SEMA3D: variants seen among roughly 807,000 people sequenced by gnomAD.
SEMA3D encodes the protein semaphorin 3D.
A neutral mutation model predicts 100.1 loss-of-function variants in SEMA3D; 84 were observed. That is an observed-to-expected ratio of 0.84 (90% CI 0.70 to 1.01). The LOEUF (loss-of-function observed/expected upper bound fraction) is 1.01, where lower values mean the gene tolerates loss of function less well. Ranked by LOEUF, SEMA3D falls within the 50% of genes least tolerant of loss-of-function variation. SEMA3D has a pLI of 0.00. For synonymous variants in SEMA3D, 312 were observed against 320.7 expected, an observed-to-expected ratio of 0.97 and a Z score of 0.29; for missense variants, 875 against 934.1, an observed-to-expected ratio of 0.94 and a Z score of 0.82.
rs767613089 is a variant in SEMA3D, at chr7:85,065,462, T to C, written c.680A>G (p.Tyr227Cys). 6 of 1,613,262 alleles carry C rather than the reference T, an allele frequency of 3.7e-6. No individual in the cohort carries two copies. In the African/African-American group the frequency reaches 5.3e-5, roughly 14 times the overall value. ...GTGCTCTGAAATGTCAGTTCTGATG[T>C]AGTGGTGGTCATGAGTAGGCCCAAG... is the stretch of plus-strand genomic sequence containing the variant. ...RSLGPTHDHH[Y>C]IRTDISEHYW... The change falls in exon 8 of 19, where the codon TAC becomes TGC. Residue 227 changes from tyrosine to cysteine, a missense_variant. By Grantham distance (194) the Tyr-to-Cys change is radical. Coordinates refer to ENST00000284136, the MANE Select transcript of SEMA3D (RefSeq NM_001384900.1).
At chr7:85,160,467 AT>A (rs753630698) in intron 1 of SEMA3D, among the ~76,000 whole-genome samples, 5 of 152,178 alleles carry the variant, frequency 3.3e-5, no homozygotes, top group Non-Finnish European at 7.3e-5. Context: ...TGAAACTGAG[AT>A]TTCCACGATG....
rs1376748850 is a variant in SEMA3D at position 84,999,364 on chromosome 7, T to C, written c.*76A>G. 1 of 1,116,574 alleles carries C rather than the reference T, an allele frequency of 9.0e-7. No homozygotes were observed. Among genetic ancestry groups the C allele is most frequent in the Admixed American group, 2.2e-5 (1 of 45,266 alleles). The allele number at this position is 1,116,574 out of a possible 1,614,324, so 69.2% of individuals were successfully genotyped here. On this transcript the variant is annotated 3_prime_UTR_variant, in exon 19 of 19. Coordinates refer to ENST00000284136, the MANE Select transcript of SEMA3D (RefSeq NM_001384900.1). ...AACTCCATGGGAAGCATTTATGAAT[T>C]ACTATAAGGGATATACAAAACAGAA...
At chr7:85,168,534 C>G (rs1416131745) in intron 1 of SEMA3D, among the ~76,000 whole-genome samples, 1 of 151,088 alleles carries the variant, frequency 6.6e-6, no homozygotes, top group East Asian at 1.9e-4. Context: ...GTAATCTCAG[C>G]TCTGTGATAA....
chr7:85,125,133 C>CT (rs577936869), intron 2 of SEMA3D, among the ~76,000 whole-genome samples: 214 of 151,410 alleles, frequency 1.4e-3, no homozygotes, highest in Non-Finnish European at 2.3e-3. Flanking sequence ...TCTCATTACA[C>CT]TTTTTTTTTG....
intron 3 of SEMA3D, among the ~76,000 whole-genome samples, chr7:85,101,208 A>C (rs995217474): frequency 2.6e-5 from 4 of 152,038 alleles, no homozygotes; most frequent in African/African-American, 9.7e-5. Flanking sequence ...CTTCCATGCA[A>C]TTTCCCTTAT....
chr7:85,129,477 C>T lies in SEMA3D; in HGVS notation c.-40-7546G>A, dbSNP rs187844520. Among the ~76,000 whole-genome samples, 626 of 152,056 alleles carry T rather than the reference C, an allele frequency of 4.1e-3. 4 individuals are homozygous for T. The highest frequency in any genetic ancestry group is 0.014 in the African/African-American group (597 of 41,490). ...AATTTTTTTGTTATTTAATACATAT[C>T]TTATCAGACTGTGAGATGAGGATTT... On this transcript the variant is annotated intron_variant, in intron 2 of 18. Coordinates refer to ENST00000284136, the MANE Select transcript of SEMA3D (RefSeq NM_001384900.1).
At chr7:85,151,092 CCACA>C (rs67407646) in intron 2 of SEMA3D, among the ~76,000 whole-genome samples, 63 of 147,074 alleles carry the variant, frequency 4.3e-4, no homozygotes, top group African/African-American at 1.0e-3. Flanking sequence ...TAAAAAAAAT[CCACA>C]CACACACACA....
chr7:85,059,248 G>T (rs575949287), intron 8 of SEMA3D, among the ~76,000 whole-genome samples: 2 of 152,216 alleles, frequency 1.3e-5, no homozygotes, highest in South Asian at 4.1e-4. Context: ...TACGGGATGG[G>T]AAAAAGATAC....
At position 85,027,729 on chromosome 7, in the gene SEMA3D, A is replaced by T. The variant is rs73713925; in HGVS notation, c.1192-5116T>A. 2.6e-3 allele frequency: 852 copies of T among 322,992 alleles called. 8 individuals are homozygous for T. The highest frequency in any genetic ancestry group is 0.017 in the African/African-American group (777 of 45,426). 20.0% of individuals were successfully genotyped at this position (322,992 alleles called of 1,614,324 possible). ...GGCTTAATGTTTGTTTTCCCAACAT[A>T]AAAGGAATATTAAACAAGGGTCTCA... On this transcript the variant is annotated intron_variant, in intron 12 of 18. Coordinates refer to ENST00000284136, the MANE Select transcript of SEMA3D (RefSeq NM_001384900.1).
chr7:85,221,246 G>T, the SEMA3D span, among the ~76,000 whole-genome samples: 2 of 152,064 alleles, frequency 1.3e-5, no homozygotes, highest in African/African-American at 4.8e-5. Context: ...AAGCAACTCA[G>T]TAAAGAATAT....
intron 5 of SEMA3D, among the ~76,000 whole-genome samples, chr7:85,080,412 A>G (rs534878528): frequency 6.6e-6 from 1 of 152,278 alleles, no homozygotes; most frequent in East Asian, 1.9e-4. Flanking sequence ...TATTTCTATC[A>G]CATTGATAGA....
intron 1 of SEMA3D, among the ~76,000 whole-genome samples, chr7:85,174,277 T>A (rs1445047059): frequency 2.0e-5 from 3 of 152,152 alleles, no homozygotes; most frequent in African/African-American, 7.2e-5. Context: ...CAGCCATGTT[T>A]TTTCATCTGT....
rs1789557458 is a variant in SEMA3D, at chr7:84,998,234, T to G, written c.*1206A>C. 1 of 152,154 alleles carries G rather than the reference T, an allele frequency of 6.6e-6. No homozygotes were observed. Among genetic ancestry groups the G allele is most frequent in the Admixed American group, 6.5e-5 (1 of 15,270 alleles). The allele number at this position is 152,154 out of a possible 1,614,324, so 9.4% of individuals were successfully genotyped here. A position where few individuals can be genotyped will look rare whatever the true frequency, so the allele number is the denominator to read the frequency against. On this transcript the variant is annotated 3_prime_UTR_variant, in exon 19 of 19. Coordinates refer to ENST00000284136, the MANE Select transcript of SEMA3D (RefSeq NM_001384900.1). ...TGTGTTATATATTGTTTTCTCCTATTCACTCAAATATAATCACAAAATCCA... is the reference window on the plus strand; with the variant it reads ...TGTGTTATATATTGTTTTCTCCTATGCACTCAAATATAATCACAAAATCCA...
At chr7:85,162,338 G>T (rs2116520476) in intron 1 of SEMA3D, among the ~76,000 whole-genome samples, 1 of 152,080 alleles carries the variant, frequency 6.6e-6, no homozygotes, top group African/African-American at 2.4e-5. Flanking sequence ...AGTGATTATT[G>T]CATAAAACCA....
intron 1 of SEMA3D, among the ~76,000 whole-genome samples, chr7:85,182,421 A>G (rs991436425): frequency 6.6e-6 from 1 of 152,178 alleles, no homozygotes; most frequent in Non-Finnish European, 1.5e-5. Context: ...AAAAGATTCA[A>G]GATCACTATT....
upstream of SEMA3D, among the ~76,000 whole-genome samples, chr7:85,189,469 T>C (rs1173599958): frequency 3.3e-5 from 5 of 152,026 alleles, no homozygotes; most frequent in Non-Finnish European, 7.4e-5. Flanking sequence ...TAAAACCCAG[T>C]GGGAAAAAAA....
intron 3 of SEMA3D, among the ~76,000 whole-genome samples, chr7:85,120,803 T>C (rs959724879): frequency 4.6e-5 from 7 of 152,108 alleles, no homozygotes; most frequent in Non-Finnish European, 1.0e-4. Flanking sequence ...ATGAGTTTGA[T>C]ACATATAAAT....
At chr7:85,145,197 T>C (rs1562834155) in intron 2 of SEMA3D, among the ~76,000 whole-genome samples, 2 of 151,742 alleles carry the variant, frequency 1.3e-5, no homozygotes, top group African/African-American at 4.8e-5. Context: ...TCTGGCATAA[T>C]ACATGTCACA....
At chr7:85,050,848 A>T (rs942290570) in intron 9 of SEMA3D, 2 of 414,800 alleles carry the variant, frequency 4.8e-6, no homozygotes, top group African/African-American at 4.1e-5. Flanking sequence ...TGCCCCTAAC[A>T]CTGCAAAATA....
Sources: allele counts gnomAD v4.1 joint callset (sites outside exome capture counted in the v4.1 genomes callset), GRCh38; gene constraint gnomAD v4.1.1; transcripts MANE v1.5; gene names NCBI Gene and HGNC (gene_info 2026-07-23, HGNC 2026-07-21).